Variants in TPD52 observed in about 807,000 individuals in gnomAD.
TPD52 encodes the protein prostate and colon associated protein.
A neutral mutation model predicts 31.3 loss-of-function variants in TPD52; 17 were observed. The observed-to-expected ratio is 0.54, with a 90% CI of 0.37 to 0.82. TPD52 has a LOEUF of 0.82. Ranked by LOEUF, TPD52 falls within the 40% of genes least tolerant of loss-of-function variation. The pLI is 0.00. For synonymous variants in TPD52, 83 were observed against 89.6 expected, an observed-to-expected ratio of 0.93 and a Z score of 0.42; for missense variants, 212 against 240.1, an observed-to-expected ratio of 0.88 and a Z score of 0.77.
At chr8:80,098,641 G>A (rs144999097) in intron 1 of TPD52, among the ~76,000 whole-genome samples, 538 of 152,308 alleles carry the variant, frequency 3.5e-3, no homozygotes, top group Non-Finnish European at 5.6e-3. Flanking sequence ...GATGAGCAAA[G>A]ATGAAATCTA....
chr8:80,109,395 T>A (rs1048251127), intron 1 of TPD52, among the ~76,000 whole-genome samples: 3 of 152,196 alleles, frequency 2.0e-5, no homozygotes, highest in African/African-American at 7.2e-5. Flanking sequence ...ATCAAATTAG[T>A]CTTACACTGA....
chr8:80,066,652 T>C (rs1245983255), intron 1 of TPD52, among the ~76,000 whole-genome samples: 1 of 152,186 alleles, frequency 6.6e-6, no homozygotes, highest in Non-Finnish European at 1.5e-5. Context: ...AGGTAGCCCT[T>C]ACTGGACCCG....
In TPD52 at chr8:80,110,416, G is replaced by A. The variant is rs1807420939; in HGVS notation, c.20-45823C>T. Among the ~76,000 whole-genome samples, 4 of 152,130 alleles carry A rather than the reference G, an allele frequency of 2.6e-5. No individual in the cohort carries two copies. In the South Asian group the frequency reaches 8.3e-4, roughly 32 times the overall value. On this transcript the variant is annotated intron_variant, in intron 1 of 7. Transcript: ENST00000518937. ...TTGAGCCTGTTGTCATGATTTATGA[G>A]TTCCACACTAAGACAAAGACAACCT...
Position 80,157,383 on chromosome 8 carries a change from T to C in TPD52, c.19+14042A>G, listed in dbSNP as rs116748272. Among the ~76,000 whole-genome samples the C allele has an allele frequency of 6.4e-3, 981 of 152,252 alleles. 9 individuals are homozygous for C. The highest frequency in any genetic ancestry group is 0.023 in the African/African-American group (946 of 41,552). ...TCTTTACCATCAGTCAGGATTTTCA[T>C]TGAATCCCTGACACAATCAGCAGTG... On this transcript the variant is annotated intron_variant, in intron 1 of 7. Coordinates refer to ENST00000518937, the MANE Select transcript of TPD52 (RefSeq NM_001025253.3).
intron 1 of TPD52, among the ~76,000 whole-genome samples, chr8:80,091,858 T>C (rs554383786): frequency 6.6e-6 from 1 of 152,348 alleles, no homozygotes; most frequent in South Asian, 2.1e-4. Context: ...AGGTGATTTC[T>C]GATGCTGCAA....
chr8:80,160,985 C>T (rs1811323163), intron 1 of TPD52, among the ~76,000 whole-genome samples: 1 of 151,638 alleles, frequency 6.6e-6, no homozygotes, highest in African/African-American at 2.4e-5. Context: ...TTGCTTGAGC[C>T]TGGGAGGCAG....
chr8:80,047,973 A>G (rs1457426213), intron 5 of TPD52, among the ~76,000 whole-genome samples: 2 of 152,248 alleles, frequency 1.3e-5, no homozygotes, highest in Admixed American at 6.5e-5. Flanking sequence ...TTTATGTTTA[A>G]CCCTGGCACT....
At chr8:80,170,448 A>G (rs1362089224) in intron 1 of TPD52, among the ~76,000 whole-genome samples, 4 of 152,136 alleles carry the variant, frequency 2.6e-5, no homozygotes. Context: ...TCTGAAAAAA[A>G]TAAAGTACAA....
At chr8:80,050,500 A>G (rs376245887) in intron 4 of TPD52, 29 bp from the exon 5 acceptor site, 12 of 1,590,918 alleles carry the variant, frequency 7.5e-6, no homozygotes, top group African/African-American at 6.8e-5. Context: ...AGCATTAAAA[A>G]AGAAAGAAGT....
intron 1 of TPD52, among the ~76,000 whole-genome samples, chr8:80,085,775 A>T (rs1563614440): frequency 6.6e-6 from 1 of 152,224 alleles, no homozygotes; most frequent in Non-Finnish European, 1.5e-5. Context: ...GCTCGGGAGA[A>T]ATTTTGAGGA....
At chr8:80,103,858 C>A in intron 1 of TPD52, among the ~76,000 whole-genome samples, 1 of 152,270 alleles carries the variant, frequency 6.6e-6, no homozygotes, top group Middle Eastern at 3.4e-3. Flanking sequence ...AAAGGTTCCA[C>A]GAAGACTGGA....
At chr8:80,058,197 T>C (rs967451448) in intron 2 of TPD52, among the ~76,000 whole-genome samples, 2 of 152,214 alleles carry the variant, frequency 1.3e-5, no homozygotes, top group African/African-American at 4.8e-5. Flanking sequence ...TGTTGCTATA[T>C]ACTCTTAAAA....
intron 3 of TPD52, among the ~76,000 whole-genome samples, chr8:80,052,018 T>A (rs1397622196): frequency 6.6e-6 from 1 of 152,266 alleles, no homozygotes; most frequent in Non-Finnish European, 1.5e-5. Flanking sequence ...ATTCCTCAGA[T>A]GCCTTTGTCA....
chr8:80,139,632 G>A (rs1425449057), intron 1 of TPD52, among the ~76,000 whole-genome samples: 2 of 152,018 alleles, frequency 1.3e-5, no homozygotes, highest in Non-Finnish European at 2.9e-5. Context: ...GCAATAAACG[G>A]GGGGTGGGGG....
At chr8:80,039,094 C>T (rs568710153) in intron 7 of TPD52, among the ~76,000 whole-genome samples, 19 of 152,280 alleles carry the variant, frequency 1.2e-4, no homozygotes, top group Non-Finnish European at 2.5e-4. Context: ...TTGAACTTGA[C>T]CTTGCTCTTA....
intron 1 of TPD52, among the ~76,000 whole-genome samples, chr8:80,110,506 G>A (rs1249668838): frequency 6.6e-6 from 1 of 151,296 alleles, no homozygotes; most frequent in Non-Finnish European, 1.5e-5. Flanking sequence ...TGACCAAAAG[G>A]AGGAAACTTA....
intron 1 of TPD52, among the ~76,000 whole-genome samples, chr8:80,107,129 G>T (rs769442028): frequency 6.6e-5 from 10 of 152,156 alleles, no homozygotes; most frequent in Non-Finnish European, 1.3e-4. Flanking sequence ...GGGATTACAG[G>T]CGTGAGCCAC....
chr8:80,165,092 C>T (rs1249586079), intron 1 of TPD52, among the ~76,000 whole-genome samples: 3 of 151,688 alleles, frequency 2.0e-5, no homozygotes, highest in African/African-American at 7.3e-5. Context: ...ACAGAAAATG[C>T]CATGTAGATT....
intron 1 of TPD52, among the ~76,000 whole-genome samples, chr8:80,067,693 A>G (rs933578462): frequency 1.3e-5 from 2 of 151,996 alleles, no homozygotes; most frequent in Non-Finnish European, 2.9e-5. Flanking sequence ...GCTTCACATC[A>G]CTGATCTGAA....
Sources: gnomAD v4.1 joint callset for allele counts (sites outside exome capture counted in the v4.1 genomes callset) on GRCh38, gnomAD v4.1.1 for gene constraint, MANE v1.5 for transcripts, NCBI Gene and HGNC (gene_info 2026-07-23, HGNC 2026-07-21) for gene names.